Variants in UCKL1 observed in about 807,000 individuals in gnomAD.
UCKL1 encodes uridine-cytidine kinase-like 1.
UCKL1 carries 65 observed loss-of-function variants against 59.2 expected under a neutral mutation model. The observed-to-expected ratio is 1.10, with a 90% CI of 0.90 to 1.35. UCKL1 has a LOEUF of 1.35. Ranked by LOEUF, UCKL1 falls within the 40% of genes most tolerant of loss-of-function variation. The pLI is 0.00. For synonymous variants in UCKL1, 410 were observed against 323.1 expected (o/e 1.27, Z -2.88); for missense variants, 703 against 784.3 (o/e 0.90, Z 1.24).
chr20:63,947,606 C>CA (rs1207723931), intron 1 of UCKL1, among the ~76,000 whole-genome samples: 4 of 152,232 alleles, frequency 2.6e-5, no homozygotes, highest in Non-Finnish European at 5.9e-5. Flanking sequence ...CTCTGGCTGT[C>CA]AGAGTGCCGG....
At position 63,956,358 on chromosome 20, in the gene UCKL1, C is replaced by T. The variant is rs577014584; in HGVS notation, c.15G>A (p.Pro5=). 3 of 1,531,116 alleles carry T rather than the reference C, an allele frequency of 2.0e-6. No individual in the cohort carries two copies. The highest frequency in any genetic ancestry group is 2.6e-6 in the Non-Finnish European group (3 of 1,141,672). The allele number at this position is 1,531,116 out of a possible 1,614,324, so 94.8% of individuals were successfully genotyped here. MAAP[P]ARADADPSPT... ...GCGAAGGATCAGCGTCCGCGCGGGC[C>T]GGGGGCGCAGCCATGGCGCTCGGAG... The change falls in exon 1 of 15, where the codon CCG becomes CCA. Residue 5 remains proline, a synonymous_variant. Coordinates refer to ENST00000354216, the MANE Select transcript of UCKL1 (RefSeq NM_017859.4).
At chr20:63,952,200 G>T (rs958419487) in intron 1 of UCKL1, among the ~76,000 whole-genome samples, 3 of 152,218 alleles carry the variant, frequency 2.0e-5, no homozygotes, top group Non-Finnish European at 4.4e-5. Context: ...CCTGAGCAGG[G>T]GCGCAGAGTC....
At chr20:63,944,267 C>G (rs1287960804) in intron 7 of UCKL1, 130 bp downstream of exon 7, 2 of 908,330 alleles carry the variant, frequency 2.2e-6, no homozygotes, top group African/African-American at 3.3e-5. Context: ...TCAGGACACT[C>G]AGGGCTGGCA....
intron 8 of UCKL1, chr20:63,942,462 C>T: frequency 2.0e-5 from 23 of 1,176,988 alleles, no homozygotes; most frequent in Non-Finnish European, 2.5e-5. Context: ...ACGGAGCACA[C>T]TGCTCACATA....
chr20:63,940,768 G>A (rs1367954482), intron 11 of UCKL1, 26 bp downstream of exon 11: 2 of 1,601,592 alleles, frequency 1.2e-6, no homozygotes, highest in African/African-American at 2.7e-5. Flanking sequence ...AGCCTGTCCC[G>A]CGCCCAGGTG....
intron 1 of UCKL1, chr20:63,954,483 A>T (rs1437904531): frequency 6.6e-6 from 1 of 152,118 alleles, no homozygotes; most frequent in Non-Finnish European, 1.5e-5. Flanking sequence ...ACAGACCTCC[A>T]CCCGTGCACA....
rs1413894333 is a variant in UCKL1, at chr20:63,956,249, C to T, written c.113+11G>A. The T allele has an allele frequency of 2.6e-6, 4 of 1,520,702 alleles. No homozygotes were observed. The highest frequency in any genetic ancestry group is 3.5e-6 in the Non-Finnish European group (4 of 1,136,692). The allele number at this position is 1,520,702 out of a possible 1,614,324, so 94.2% of individuals were successfully genotyped here. ...GCTCGCCAGTGGAGTGGAGGCGAGGCCCACGCCTACCGGTCCTCGCACGCG... is the reference window on the plus strand; with the variant it reads ...GCTCGCCAGTGGAGTGGAGGCGAGGTCCACGCCTACCGGTCCTCGCACGCG... On this transcript the variant is annotated intron_variant, in intron 1 of 14. Transcript: ENST00000354216.
intron 3 of UCKL1, 36 bp downstream of exon 3, chr20:63,946,125 C>T: frequency 6.2e-7 from 1 of 1,609,998 alleles, no homozygotes; most frequent in Non-Finnish European, 8.5e-7. Flanking sequence ...AGGGAGAGGA[C>T]AAAGGGGTCC....
chr20:63,955,366 G>C (rs1433563742), intron 1 of UCKL1: 1 of 152,316 alleles, frequency 6.6e-6, no homozygotes, highest in African/African-American at 2.4e-5. Context: ...TGGACCTGAA[G>C]GGACGCAGGG....
intron 8 of UCKL1, chr20:63,942,528 A>T: frequency 1.7e-6 from 2 of 1,151,638 alleles, no homozygotes; most frequent in Non-Finnish European, 1.1e-6. Context: ...GGAGGGAACA[A>T]GGCAGGAAAC....
At chr20:63,946,416 C>T (rs369497789) in intron 2 of UCKL1, 37 bp downstream of exon 2, 675 of 1,512,184 alleles carry the variant, frequency 4.5e-4, no homozygotes, top group Non-Finnish European at 5.7e-4. Flanking sequence ...CGGAGGCAGG[C>T]GTCCGGCAGC....
At chr20:63,942,708 C>A in intron 8 of UCKL1, 1 of 496,118 alleles carries the variant, frequency 2.0e-6, no homozygotes, top group Non-Finnish European at 4.2e-6. Flanking sequence ...GTGAGTGCAG[C>A]CACAGGCCAA....
At chr20:63,943,626 C>T in intron 8 of UCKL1, 27 bp downstream of exon 8, 1 of 1,609,432 alleles carries the variant, frequency 6.2e-7, no homozygotes. Context: ...GTGCCTCCAT[C>T]TGTGCAGACA....
intron 1 of UCKL1, among the ~76,000 whole-genome samples, chr20:63,951,856 G>A (rs1309926708): frequency 6.6e-6 from 1 of 152,196 alleles, no homozygotes; most frequent in Non-Finnish European, 1.5e-5. Flanking sequence ...AGTCAGTCAA[G>A]GATGTGCACA....
At chr20:63,947,046 A>ACTC (rs773256718) in intron 1 of UCKL1, among the ~76,000 whole-genome samples, 40 of 150,630 alleles carry the variant, frequency 2.7e-4, no homozygotes, top group Non-Finnish European at 3.4e-4. Context: ...GTGCCACTGC[A>ACTC]CTCCAGTCTG....
At chr20:63,943,460 C>T (rs536483796) in intron 8 of UCKL1, among the ~76,000 whole-genome samples, 193 bp downstream of exon 8, 33 of 152,332 alleles carry the variant, frequency 2.2e-4, no homozygotes, top group African/African-American at 7.7e-4. Flanking sequence ...GGGCAAGCTA[C>T]TTCACGTCTC....
In UCKL1 at chr20:63,940,553, C is replaced by T. The variant is rs200356156; in HGVS notation, c.1302+41G>A. Reference sequence around the variant, plus strand: ...TCCCCTTGCTGTGAGCTCCCTCTGCCCCCTACCCCCGGGCTCATCACCCCG... The same window carrying T: ...TCCCCTTGCTGTGAGCTCCCTCTGCTCCCTACCCCCGGGCTCATCACCCCG... On this transcript the variant is annotated intron_variant, in intron 12 of 14. Coordinates refer to ENST00000354216, the MANE Select transcript of UCKL1 (RefSeq NM_017859.4). 2.5e-4 allele frequency: 401 copies of T among 1,603,976 alleles called. 1 individual carries two copies. Among genetic ancestry groups the T allele is most frequent in the Middle Eastern group, 2.2e-3 (13 of 6,022 alleles).
At chr20:63,944,919 C>T (rs1410431997) in intron 5 of UCKL1, among the ~76,000 whole-genome samples, 185 bp from the exon 6 acceptor site, 1 of 151,668 alleles carries the variant, frequency 6.6e-6, no homozygotes, top group Non-Finnish European at 1.5e-5. Flanking sequence ...TGGGCCTGGC[C>T]CGAGCCACTT....
At chr20:63,946,724 A>ATT (rs111264888) in intron 1 of UCKL1, 81 bp from the exon 2 acceptor site, 1 of 1,433,098 alleles carries the variant, frequency 7.0e-7, no homozygotes, top group Non-Finnish European at 9.4e-7. Context: ...CCCACAGGGC[A>ATT]CCCCCCCCAC....
Sources: gnomAD v4.1 joint callset for allele counts (sites outside exome capture counted in the v4.1 genomes callset) on GRCh38, gnomAD v4.1.1 for gene constraint, MANE v1.5 for transcripts, NCBI Gene and HGNC (gene_info 2026-07-23, HGNC 2026-07-21) for gene names.